The following CMIP variants were observed in gnomAD, a reference collection of about 807,000 sequenced individuals.
The protein encoded by CMIP is C-Maf-inducing protein.
In CMIP, 13 loss-of-function variants were observed where a neutral mutation model predicts 97.3. The ratio of observed to expected loss-of-function variants is 0.13; its 90% confidence interval spans 0.09 to 0.21. The LOEUF (loss-of-function observed/expected upper bound fraction) is 0.21. Ranked by LOEUF, CMIP falls within the 10% of genes least tolerant of loss-of-function variation. The pLI, the probability that CMIP is intolerant of heterozygous loss-of-function variation, is 1.00. For missense variants in CMIP, 847 were observed against 1,024.9 expected (o/e 0.83, Z 2.37); for synonymous variants, 538 against 436.3 (o/e 1.23, Z -2.91).
rs752525916 is a variant in CMIP, at chr16:81,702,605, C to G, written c.1897-17C>G. 1.7e-5 allele frequency: 27 copies of G among 1,611,980 alleles called. No individual in the cohort carries two copies. Among genetic ancestry groups the G allele is most frequent in the Non-Finnish European group, 2.2e-5 (26 of 1,178,892 alleles). ...TGGGGAAAAGAATGGTTGTAACCAG[C>G]CTGGTTTCTGTTGCAGCAAAGGAAA... On this transcript the variant is annotated splice_polypyrimidine_tract_variant and intron_variant, in intron 16 of 20. Coordinates refer to ENST00000537098, the MANE Select transcript of CMIP (RefSeq NM_198390.3).
intron 1 of CMIP, among the ~76,000 whole-genome samples, chr16:81,599,235 G>A (rs6564895): frequency 0.034 from 5,152 of 152,146 alleles, 127 homozygotes; most frequent in Middle Eastern, 0.095. Context: ...CAGCCCCGGG[G>A]CAAGGAGAGG....
At chr16:81,608,907 A>T (rs1353840529) in intron 2 of CMIP, among the ~76,000 whole-genome samples, 1 of 152,162 alleles carries the variant, frequency 6.6e-6, no homozygotes, top group Non-Finnish European at 1.5e-5. Flanking sequence ...GCCCAAAGAG[A>T]TGCTTTCTAA....
intron 2 of CMIP, chr16:81,619,341 G>A (rs2091962592): frequency 6.6e-6 from 1 of 152,300 alleles, no homozygotes; most frequent in African/African-American, 2.4e-5. Flanking sequence ...CAAGGCCAGA[G>A]ATTGCTCCAG....
intron 1 of CMIP, among the ~76,000 whole-genome samples, chr16:81,584,017 G>A (rs1242024181): frequency 6.6e-6 from 1 of 152,198 alleles, no homozygotes; most frequent in Non-Finnish European, 1.5e-5. Flanking sequence ...GGGAAGGTGT[G>A]GAGGAATTGA....
chr16:81,678,345 T>G lies in CMIP; in HGVS notation c.1105T>G (p.Leu369Val), dbSNP rs776492922. 2 of 1,612,992 alleles carry G rather than the reference T, an allele frequency of 1.2e-6. No homozygotes were observed. Among genetic ancestry groups the G allele is most frequent in the Non-Finnish European group, 1.7e-6 (2 of 1,179,512 alleles). Reference protein sequence around the residue: ...CQQPCDRKPTLPLRLLHPSPD... With the variant: ...CQQPCDRKPTVPLRLLHPSPD... ...GCAGCCGTGCGACCGGAAGCCCACT[T>G]TACCTCTGCGCCTTCTGCACCCCAG... The change falls in exon 10 of 21, where the codon TTA becomes GTA. Residue 369 changes from leucine (L) to valine (V), a missense_variant. Around this residue, in one of 4 missense-constraint regions of CMIP, gnomAD observed 202 missense variants for 168.7 expected, o/e 1.20. Coordinates refer to ENST00000537098, the MANE Select transcript of CMIP (RefSeq NM_198390.3).
At chr16:81,679,979 G>A (rs546786878) in intron 10 of CMIP, among the ~76,000 whole-genome samples, 3 of 152,294 alleles carry the variant, frequency 2.0e-5, no homozygotes, top group East Asian at 1.9e-4. Context: ...TCCTTCCTTC[G>A]GAACAAGCTC....
chr16:81,573,173 G>A (rs1449239632), intron 1 of CMIP, among the ~76,000 whole-genome samples: 3 of 152,060 alleles, frequency 2.0e-5, no homozygotes, highest in East Asian at 1.9e-4. Context: ...GTGAAACCCC[G>A]TCTCTACTAA....
At position 81,667,727 on chromosome 16, in the gene CMIP, C is replaced by G. The variant is rs116074333; in HGVS notation, c.826-2415C>G. ...GATTAAATACTTGTGAGGCAGAGGC[C>G]TCATTTTCTAACCCAGGAGGGAGGG... On this transcript the variant is annotated intron_variant, in intron 7 of 20. Coordinates refer to ENST00000537098, the MANE Select transcript of CMIP (RefSeq NM_198390.3). 9.6e-3 allele frequency among the ~76,000 whole-genome samples: 1,325 copies of G among 137,612 alleles called. 23 individuals are homozygous for G. The highest frequency in any genetic ancestry group is 0.032 in the African/African-American group (1,191 of 37,282). The allele number at this position is 137,612 out of a possible 152,430, so 90.3% of individuals were successfully genotyped here.
intron 11 of CMIP, among the ~76,000 whole-genome samples, chr16:81,692,125 C>T (rs978723270): frequency 6.6e-6 from 1 of 152,214 alleles, no homozygotes; most frequent in East Asian, 1.9e-4. Context: ...ACAGAGCCCT[C>T]CCCATGGCTC....
intron 1 of CMIP, among the ~76,000 whole-genome samples, chr16:81,592,621 T>TA (rs1284153790): frequency 6.6e-6 from 1 of 152,222 alleles, no homozygotes; most frequent in Non-Finnish European, 1.5e-5. Flanking sequence ...CAGTGTCTGG[T>TA]AGAAGCAAGG....
intron 1 of CMIP, among the ~76,000 whole-genome samples, chr16:81,532,932 C>T (rs1354283775): frequency 6.6e-6 from 1 of 152,136 alleles, no homozygotes; most frequent in Admixed American, 6.5e-5. Flanking sequence ...ACACGCCAAG[C>T]CTGCTGTGCC....
At chr16:81,565,831 T>G (rs2150879851) in intron 1 of CMIP, among the ~76,000 whole-genome samples, 1 of 152,278 alleles carries the variant, frequency 6.6e-6, no homozygotes, top group African/African-American at 2.4e-5. Flanking sequence ...GCCGCCTCCT[T>G]CAGGATGTGC....
rs904818111 is a variant in CMIP, at chr16:81,627,530, G to A, written c.477+6604G>A. Among the ~76,000 whole-genome samples the A allele has an allele frequency of 2.0e-5, 3 of 152,012 alleles. No homozygotes were observed. The highest frequency in any genetic ancestry group is 2.9e-5 in the Non-Finnish European group (2 of 67,976). ...CCTTCCAGCCTCCACAGGTGGTCCC[G>A]GCTGACTCATGGCCTGGGAGGGCTA... On this transcript the variant is annotated intron_variant, in intron 3 of 20. Transcript: ENST00000537098. The surrounding 1 kb of genome is among the most constrained non-coding windows in gnomAD (Gnocchi z 4.6).
At chr16:81,709,720 A>ACAAG (rs1470023120) in intron 20 of CMIP, 26 bp from the exon 21 acceptor site, 13 of 1,613,544 alleles carry the variant, frequency 8.1e-6, no homozygotes, top group Non-Finnish European at 1.0e-5. Context: ...CCTACACGTG[A>ACAAG]CAAGGACTCT....
intron 1 of CMIP, among the ~76,000 whole-genome samples, chr16:81,490,427 C>T (rs1035207101): frequency 6.6e-6 from 1 of 152,164 alleles, no homozygotes; most frequent in African/African-American, 2.4e-5. Context: ...CGAGACCAGC[C>T]TGGCCAACAT....
chr16:81,595,119 A>T (rs1306329851), intron 1 of CMIP, among the ~76,000 whole-genome samples: 3 of 151,954 alleles, frequency 2.0e-5, no homozygotes, highest in Non-Finnish European at 4.4e-5. Flanking sequence ...AACCTCTGAA[A>T]GTGAAATCTC....
intron 1 of CMIP, among the ~76,000 whole-genome samples, chr16:81,587,593 G>A (rs1204123822): frequency 6.6e-6 from 1 of 152,194 alleles, no homozygotes; most frequent in African/African-American, 2.4e-5. Flanking sequence ...AACCAAAGGT[G>A]CTAGAGATGA....
chr16:81,505,617 G>A (rs537792393), intron 1 of CMIP, among the ~76,000 whole-genome samples: 1 of 152,224 alleles, frequency 6.6e-6, no homozygotes, highest in South Asian at 2.1e-4. Flanking sequence ...GCTCTGCACA[G>A]AAACTTTGGC....
At chr16:81,615,052 G>A (rs548430729) in intron 2 of CMIP, among the ~76,000 whole-genome samples, 2 of 149,732 alleles carry the variant, frequency 1.3e-5, no homozygotes, top group African/African-American at 2.5e-5. Flanking sequence ...GTATCTGTGT[G>A]TCTGTGTGAG....
Sources: gnomAD v4.1 joint callset for allele counts (sites outside exome capture counted in the v4.1 genomes callset) on GRCh38, gnomAD v4.1.1 for gene constraint, gnomAD v4.1.1 regional missense constraint, Gnocchi (gnomAD v3.1) non-coding constraint, MANE v1.5 for transcripts, NCBI Gene and HGNC (gene_info 2026-07-23, HGNC 2026-07-21) for gene names.